The following QNG1 variants were observed in gnomAD, a reference collection of about 807,000 sequenced individuals.
The protein encoded by QNG1 is queuosine 5'-phosphate N-glycosylase/hydrolase.
chr9:83,955,755 C>CA, the QNG1 span: 1,661 of 969,662 alleles, frequency 1.7e-3, 25 homozygotes, highest in African/African-American at 0.025. Flanking sequence ...AGGAATGCAC[C>CA]AAAAGTGGAA....
chr9:83,948,514 G>A, the QNG1 span, among the ~76,000 whole-genome samples: 61 of 148,458 alleles, frequency 4.1e-4, no homozygotes, highest in East Asian at 6.6e-3. Context: ...TGTCCGGGAG[G>A]GGGGGGGCGC....
At chr9:83,945,052 T>C in the QNG1 span, 6 of 1,278,502 alleles carry the variant, frequency 4.7e-6, 1 homozygote, top group East Asian at 1.5e-4. Flanking sequence ...ATGCTATTTT[T>C]TAAAGGTGCA....
the QNG1 span, among the ~76,000 whole-genome samples, chr9:83,945,400 C>CAAAAAATAAAA: frequency 9.1e-6 from 1 of 109,950 alleles, no homozygotes; most frequent in Non-Finnish European, 1.9e-5. Flanking sequence ...GACCCTGTCT[C>CAAAAAATAAAA]AAAAAAAAAA....
chr9:83,941,105 T>C, the QNG1 span, among the ~76,000 whole-genome samples: 10 of 152,298 alleles, frequency 6.6e-5, no homozygotes, highest in African/African-American at 1.9e-4. Flanking sequence ...AAGACACTGC[T>C]CCACTTGGCG....
the QNG1 span, among the ~76,000 whole-genome samples, chr9:83,945,400 C>CAA: frequency 8.2e-5 from 9 of 109,990 alleles, no homozygotes; most frequent in East Asian, 6.1e-4. Context: ...GACCCTGTCT[C>CAA]AAAAAAAAAA....
chr9:83,943,979 C>T, the QNG1 span, among the ~76,000 whole-genome samples: 1 of 151,814 alleles, frequency 6.6e-6, no homozygotes, highest in Non-Finnish European at 1.5e-5. Flanking sequence ...CAATATCGCA[C>T]CACTGCACTC....
chr9:83,939,565 A>G, the QNG1 span: 29 of 1,614,052 alleles, frequency 1.8e-5, no homozygotes, highest in Non-Finnish European at 2.2e-5. Context: ...TATCTTCCCT[A>G]TGGTCATGGG....
At chr9:83,956,786 C>G in the QNG1 span, 1 of 355,464 alleles carries the variant, frequency 2.8e-6, no homozygotes, top group East Asian at 4.5e-5. Flanking sequence ...CGCTCTCAGG[C>G]TCCGCTTCCG....
chr9:83,939,777 A>G, the QNG1 span: 1 of 1,401,852 alleles, frequency 7.1e-7, no homozygotes, highest in South Asian at 1.2e-5. Context: ...AAAAATTAAT[A>G]GTCAATGATA....
At chr9:83,949,314 C>T in the QNG1 span, among the ~76,000 whole-genome samples, 1 of 152,142 alleles carries the variant, frequency 6.6e-6, no homozygotes, top group Admixed American at 6.5e-5. Flanking sequence ...TTATATATGG[C>T]AACCAGGTTT....
At chr9:83,956,450 G>C in the QNG1 span, 3 of 1,541,618 alleles carry the variant, frequency 1.9e-6, no homozygotes, top group African/African-American at 4.1e-5. Flanking sequence ...CATCCCGACT[G>C]TTTTCTGCAA....
the QNG1 span, chr9:83,939,364 G>A: frequency 4.1e-5 from 26 of 631,422 alleles, no homozygotes; most frequent in Middle Eastern, 3.3e-4. Flanking sequence ...AAACCACTGT[G>A]CCCGGCCTAG....
At chr9:83,940,095 G>A in the QNG1 span, among the ~76,000 whole-genome samples, 2 of 152,038 alleles carry the variant, frequency 1.3e-5, no homozygotes, top group African/African-American at 4.8e-5. Flanking sequence ...TTAAAATTGG[G>A]TTTGATACCA....
the QNG1 span, chr9:83,939,807 C>G: frequency 1.9e-6 from 2 of 1,075,088 alleles, no homozygotes; most frequent in East Asian, 4.7e-5. Flanking sequence ...CTTGAACTTT[C>G]CTGTAGAACA....
the QNG1 span, among the ~76,000 whole-genome samples, chr9:83,952,891 C>T: frequency 7.4e-5 from 11 of 147,740 alleles, no homozygotes; most frequent in African/African-American, 2.8e-4. Flanking sequence ...ACCTGGGAGG[C>T]GGAGGTTGCA....
chr9:83,953,607 A>G, the QNG1 span: 1 of 511,766 alleles, frequency 2.0e-6, no homozygotes, highest in Non-Finnish European at 3.6e-6. Context: ...TGGCCCCCCA[A>G]AGTGCTGGGA....
chr9:83,945,839 T>C, the QNG1 span, among the ~76,000 whole-genome samples: 1 of 152,030 alleles, frequency 6.6e-6, no homozygotes, highest in African/African-American at 2.4e-5. Context: ...CCTGACCTTG[T>C]GATCTGCCCG....
At chr9:83,954,782 A>C in the QNG1 span, among the ~76,000 whole-genome samples, 1 of 140,880 alleles carries the variant, frequency 7.1e-6, no homozygotes, top group African/African-American at 2.6e-5. Context: ...CGGGAGACTG[A>C]GGCAGGTGAA....
chr9:83,952,399 C>T, the QNG1 span, among the ~76,000 whole-genome samples: 6 of 152,312 alleles, frequency 3.9e-5, no homozygotes, highest in South Asian at 2.1e-4. Context: ...CTGTGGCTCA[C>T]GCCTGTAATC....
Sources: gnomAD v4.1 joint callset for allele counts (sites outside exome capture counted in the v4.1 genomes callset) on GRCh38, gnomAD v4.1.1 for gene constraint, MANE v1.5 for transcripts, NCBI Gene and HGNC (gene_info 2026-07-23, HGNC 2026-07-21) for gene names.